FAM227B: variants seen among roughly 807,000 people sequenced by gnomAD.
The protein encoded by FAM227B is protein FAM227B.
FAM227B carries 88 observed loss-of-function variants against 73.8 expected under a neutral mutation model. That is an observed-to-expected ratio of 1.19 (90% CI 1.00 to 1.42). FAM227B has a LOEUF of 1.42. Ranked by LOEUF, FAM227B falls within the 40% of genes most tolerant of loss-of-function variation. The pLI is 0.00. For missense variants in FAM227B, 632 were observed against 590.9 expected, an observed-to-expected ratio of 1.07 and a Z score of -0.72; for synonymous variants, 210 against 190.5, an observed-to-expected ratio of 1.10 and a Z score of -0.84.
intron 10 of FAM227B, 45 bp from the exon 11 acceptor site, chr15:49,508,393 G>A: frequency 6.9e-7 from 1 of 1,452,270 alleles, no homozygotes; most frequent in Non-Finnish European, 9.3e-7. Context: ...TTTGGATTTT[G>A]AAAATACCTT....
chr15:49,417,410 C>A (rs2151714863), intron 11 of FAM227B, among the ~76,000 whole-genome samples: 1 of 152,090 alleles, frequency 6.6e-6, no homozygotes, highest in South Asian at 2.1e-4. Flanking sequence ...CATCATGCTA[C>A]CCGACTTCAA....
chr15:49,329,104 T>C, intron 15 of FAM227B: 19 of 994,742 alleles, frequency 1.9e-5, no homozygotes, highest in Non-Finnish European at 2.3e-5. Flanking sequence ...ATCCCTTTTT[T>C]GCTTGTCTAG....
intron 13 of FAM227B, among the ~76,000 whole-genome samples, chr15:49,361,234 T>A (rs2044180785): frequency 6.6e-6 from 1 of 152,158 alleles, no homozygotes; most frequent in Non-Finnish European, 1.5e-5. Flanking sequence ...ATATTACCTA[T>A]GATGCAAATT....
chr15:49,395,550 G>C (rs1048873417), intron 11 of FAM227B, among the ~76,000 whole-genome samples: 1 of 152,184 alleles, frequency 6.6e-6, no homozygotes, highest in Non-Finnish European at 1.5e-5. Flanking sequence ...CATTACTATG[G>C]AAGAGATGAA....
chr15:49,365,887 G>T (rs2045085867), intron 13 of FAM227B: 3 of 963,080 alleles, frequency 3.1e-6, no homozygotes, highest in Non-Finnish European at 3.4e-6. Flanking sequence ...ATGAATTAGT[G>T]CAGCAAGAGA....
chr15:49,380,857 A>G (rs1191815321), intron 11 of FAM227B, among the ~76,000 whole-genome samples: 1 of 152,154 alleles, frequency 6.6e-6, no homozygotes, highest in Admixed American at 6.5e-5. Context: ...CCCTTGTGTT[A>G]GTCCATTCTT....
chr15:49,600,792 C>T lies in FAM227B; in HGVS notation c.105+10423G>A, dbSNP rs145407026. Among the ~76,000 whole-genome samples the T allele has an allele frequency of 1.8e-3, 280 of 152,002 alleles. 2 individuals carry two copies. Among genetic ancestry groups the T allele is most frequent in the African/African-American group, 6.6e-3 (273 of 41,466 alleles). ...GCGTGGTGGCTCACACTTATAATCC[C>T]AGCACTTCGGGAGGTTGAGGTGGGC... is the stretch of plus-strand genomic sequence containing the variant. On this transcript the variant is annotated intron_variant, in intron 3 of 15. Coordinates refer to ENST00000299338, the MANE Select transcript of FAM227B (RefSeq NM_152647.3).
At chr15:49,398,322 A>C (rs1321832523) in intron 11 of FAM227B, among the ~76,000 whole-genome samples, 1 of 148,528 alleles carries the variant, frequency 6.7e-6, no homozygotes, top group Non-Finnish European at 1.5e-5. Flanking sequence ...TATGCACCCA[A>C]TACAGGAGCA....
chr15:49,450,397 T>C (rs540242100), intron 11 of FAM227B, among the ~76,000 whole-genome samples: 2 of 152,226 alleles, frequency 1.3e-5, no homozygotes, highest in African/African-American at 4.8e-5. Context: ...AAAGATATTT[T>C]TTTTCCCTTA....
intron 11 of FAM227B, among the ~76,000 whole-genome samples, chr15:49,446,482 G>A (rs1386486962): frequency 6.6e-6 from 1 of 151,552 alleles, no homozygotes; most frequent in African/African-American, 2.4e-5. Context: ...GACTGAAAGA[G>A]AATATTTCTG....
At chr15:49,617,159 T>C (rs2078341224) in intron 1 of FAM227B, among the ~76,000 whole-genome samples, 1 of 152,228 alleles carries the variant, frequency 6.6e-6, no homozygotes, top group African/African-American at 2.4e-5. Flanking sequence ...ATTTTAATCC[T>C]TGTATTTCAA....
intron 11 of FAM227B, among the ~76,000 whole-genome samples, chr15:49,375,980 T>C (rs1461576219): frequency 6.6e-6 from 1 of 152,096 alleles, no homozygotes; most frequent in Non-Finnish European, 1.5e-5. Context: ...GAACTTATTA[T>C]TGATGTGTTC....
chr15:49,365,449 T>G, intron 13 of FAM227B: 1 of 913,092 alleles, frequency 1.1e-6, no homozygotes, highest in Admixed American at 1.7e-5. Context: ...TACAATAATG[T>G]CTCCAAAGCC....
At chr15:49,619,341 A>G (rs1040141189) in intron 1 of FAM227B, among the ~76,000 whole-genome samples, 2 of 152,230 alleles carry the variant, frequency 1.3e-5, no homozygotes, top group African/African-American at 4.8e-5. Flanking sequence ...TAAGCAAAAG[A>G]AAGTGGGGGA....
chr15:49,499,252 T>C (rs1478462891), intron 11 of FAM227B, among the ~76,000 whole-genome samples: 5 of 149,100 alleles, frequency 3.4e-5, no homozygotes, highest in African/African-American at 7.4e-5. Flanking sequence ...GTCCTAAATA[T>C]ACATGCACCC....
chr15:49,433,028 A>C (rs2050755531), intron 11 of FAM227B, among the ~76,000 whole-genome samples: 2 of 151,550 alleles, frequency 1.3e-5, no homozygotes, highest in Admixed American at 1.3e-4. Context: ...TTGGAGCAAA[A>C]TTTGTTGCTA....
At chr15:49,563,158 A>C (rs534965000) in intron 9 of FAM227B, among the ~76,000 whole-genome samples, 2 of 152,328 alleles carry the variant, frequency 1.3e-5, no homozygotes, top group African/African-American at 4.8e-5. Flanking sequence ...TTCAGAATAC[A>C]AAACCAATGT....
At chr15:49,445,450 G>T (rs1201086835) in intron 11 of FAM227B, among the ~76,000 whole-genome samples, 1 of 151,538 alleles carries the variant, frequency 6.6e-6, no homozygotes, top group Non-Finnish European at 1.5e-5. Flanking sequence ...CACTTGAAAT[G>T]TAAGTTTTCT....
rs576626521 is a variant in FAM227B at position 49,437,886 on chromosome 15, G to T, written c.1013-66487C>A. On this transcript the variant is annotated intron_variant, in intron 11 of 15. Coordinates refer to ENST00000299338, the MANE Select transcript of FAM227B (RefSeq NM_152647.3). ...CAGGGAGTTAGAGGACTCTAGTGGAGGCCAGCTAACAGAACCTGGGAGAGA... is the reference window on the plus strand; with the variant it reads ...CAGGGAGTTAGAGGACTCTAGTGGATGCCAGCTAACAGAACCTGGGAGAGA... Among the ~76,000 whole-genome samples, 6 of 151,670 alleles carry T rather than the reference G, an allele frequency of 4.0e-5. No individual in the cohort carries two copies. In the South Asian group the frequency reaches 1.2e-3, roughly 32 times the overall value.
Sources: allele counts gnomAD v4.1 joint callset (sites outside exome capture counted in the v4.1 genomes callset), GRCh38; gene constraint gnomAD v4.1.1; transcripts MANE v1.5; gene names NCBI Gene and HGNC (gene_info 2026-07-23, HGNC 2026-07-21).